Variants in GALNT18 observed in about 807,000 individuals in gnomAD.
The protein encoded by GALNT18 is GalNAc-transferase 18.
Under a neutral mutation model 69.5 loss-of-function variants are expected in GALNT18, and 44 were observed. That is an observed-to-expected ratio of 0.63 (90% CI 0.50 to 0.81). GALNT18 has a LOEUF of 0.81. Among genes scored for constraint, GALNT18 ranks in the 40% least tolerant of loss-of-function variants. The pLI is 0.00. For missense variants in GALNT18, 715 were observed against 810.0 expected (o/e 0.88, Z 1.42); for synonymous variants, 364 against 318.2 (o/e 1.14, Z -1.53).
intron 3 of GALNT18, among the ~76,000 whole-genome samples, chr11:11,428,151 T>G (rs1020617314): frequency 6.6e-6 from 1 of 152,220 alleles, no homozygotes; most frequent in African/African-American, 2.4e-5. Context: ...AGTCTTGCAC[T>G]GAGAGGCCCA....
chr11:11,436,696 G>A lies in GALNT18; in HGVS notation c.429-3909C>T, dbSNP rs563280549. On this transcript the variant is annotated intron_variant, in intron 2 of 10. Transcript: ENST00000227756. The surrounding 1 kb of genome is among the most constrained non-coding windows in gnomAD (Gnocchi z 4.5). Reference sequence around the variant, plus strand: ...GAAGCAGAATGTACATTGCTGAAGGGCAGGGGCAAAAAGAGGGAAGAAGAG... The same window carrying A: ...GAAGCAGAATGTACATTGCTGAAGGACAGGGGCAAAAAGAGGGAAGAAGAG... Among the ~76,000 whole-genome samples the A allele has an allele frequency of 7.9e-5, 12 of 152,170 alleles. No individual in the cohort carries two copies. Among genetic ancestry groups the A allele is most frequent in the Non-Finnish European group, 4.4e-5 (3 of 68,030 alleles).
chr11:11,478,099 T>G (rs1453607903), intron 1 of GALNT18, among the ~76,000 whole-genome samples: 1 of 152,102 alleles, frequency 6.6e-6, no homozygotes, highest in African/African-American at 2.4e-5. Flanking sequence ...AAAGATAATT[T>G]GAGGATATAA....
rs1188462516 is a variant in GALNT18 at position 11,396,238 on chromosome 11, G to A, written c.596-16974C>T. 6.6e-6 allele frequency among the ~76,000 whole-genome samples: 1 copy of A among 152,224 alleles called. No homozygotes were observed. Among genetic ancestry groups the A allele is most frequent in the Non-Finnish European group, 1.5e-5 (1 of 68,046 alleles). On this transcript the variant is annotated intron_variant, in intron 3 of 10. Coordinates refer to ENST00000227756, the MANE Select transcript of GALNT18 (RefSeq NM_198516.3). The surrounding 1 kb of genome is among the most constrained non-coding windows in gnomAD (Gnocchi z 5.2). ...AAAGAACTGGCACGACAGCGGCTGG[G>A]TCTGTCAGTGGTGTTCGCAAACAGT...
chr11:11,538,574 G>A lies in GALNT18; in HGVS notation c.235+82785C>T, dbSNP rs554057616. Among the ~76,000 whole-genome samples, 9 of 152,252 alleles carry A rather than the reference G, an allele frequency of 5.9e-5. No individual in the cohort carries two copies. Among genetic ancestry groups the A allele is most frequent in the Admixed American group, 4.6e-4 (7 of 15,294 alleles). On this transcript the variant is annotated intron_variant, in intron 1 of 10. Coordinates refer to ENST00000227756, the MANE Select transcript of GALNT18 (RefSeq NM_198516.3). This position sits in a 1 kb window ranked among gnomAD's most constrained non-coding sequence, Gnocchi z 5.2. ...CAACAACCCGATAGCCCTGGAGCTC[G>A]CGGCACTCCTCTCAGGGGCCTCGTC...
At chr11:11,574,167 G>A (rs1178294230) in intron 1 of GALNT18, among the ~76,000 whole-genome samples, 1 of 152,186 alleles carries the variant, frequency 6.6e-6, no homozygotes, top group Non-Finnish European at 1.5e-5. Context: ...ATCAGTACAT[G>A]AGTGATAGAG....
intron 1 of GALNT18, among the ~76,000 whole-genome samples, chr11:11,490,335 C>T (rs551927191): frequency 8.5e-5 from 13 of 152,058 alleles, no homozygotes; most frequent in African/African-American, 3.1e-4. Context: ...CCATCTTGGA[C>T]TTCCCAGCCT....
intron 6 of GALNT18, among the ~76,000 whole-genome samples, chr11:11,370,860 A>C (rs547874795): frequency 1.6e-4 from 25 of 152,212 alleles, no homozygotes; most frequent in Admixed American, 1.6e-3. Context: ...AGGCGGTCCA[A>C]CCCACTCAGA....
rs1007442820 is a variant in GALNT18 at position 11,404,090 on chromosome 11, G to A, written c.596-24826C>T. Among the ~76,000 whole-genome samples, 3 of 152,214 alleles carry A rather than the reference G, an allele frequency of 2.0e-5. No individual in the cohort carries two copies. Among genetic ancestry groups the A allele is most frequent in the Non-Finnish European group, 2.9e-5 (2 of 68,030 alleles). ...CAGGCAAATGATGAGCGAATGCCCC[G>A]CCACTTGCTGGCAGCAGGAGGAGAG... On this transcript the variant is annotated intron_variant, in intron 3 of 10. Transcript: ENST00000227756. This position sits in a 1 kb window ranked among gnomAD's most constrained non-coding sequence, Gnocchi z 4.5.
At chr11:11,301,009 C>T (rs556937692) in intron 9 of GALNT18, among the ~76,000 whole-genome samples, 7 of 152,276 alleles carry the variant, frequency 4.6e-5, no homozygotes, top group African/African-American at 1.7e-4. Flanking sequence ...AGCTTGCCCC[C>T]ACAATGAGAA....
intron 3 of GALNT18, among the ~76,000 whole-genome samples, chr11:11,395,112 G>A (rs895311461): frequency 4.6e-5 from 7 of 152,248 alleles, no homozygotes; most frequent in Admixed American, 3.9e-4. Context: ...GGATGACACA[G>A]TGCCAGGCAC....
At chr11:11,288,469 C>G (rs1296234428) in intron 10 of GALNT18, among the ~76,000 whole-genome samples, 1 of 152,162 alleles carries the variant, frequency 6.6e-6, no homozygotes, top group Non-Finnish European at 1.5e-5. Flanking sequence ...TCTCAGAACA[C>G]AGCACACCCC....
intron 1 of GALNT18, among the ~76,000 whole-genome samples, chr11:11,535,965 T>C (rs1446669987): frequency 1.3e-5 from 2 of 152,176 alleles, no homozygotes; most frequent in Non-Finnish European, 2.9e-5. Context: ...GCCTTTCCCA[T>C]GTAGAGGGTG....
chr11:11,369,638 TC>T (rs1362887481), intron 6 of GALNT18, among the ~76,000 whole-genome samples: 1 of 124,598 alleles, frequency 8.0e-6, no homozygotes, highest in African/African-American at 2.5e-5. Context: ...ACAATTTCAA[TC>T]CCTTGCCAGC....
chr11:11,493,606 T>C (rs1002606352), intron 1 of GALNT18, among the ~76,000 whole-genome samples: 2 of 152,212 alleles, frequency 1.3e-5, no homozygotes, highest in African/African-American at 4.8e-5. Context: ...TAAGTGATTG[T>C]TGATTACAAA....
chr11:11,303,059 T>C (rs575705985), intron 9 of GALNT18, among the ~76,000 whole-genome samples: 19 of 152,312 alleles, frequency 1.2e-4, no homozygotes, highest in African/African-American at 4.6e-4. Flanking sequence ...TAGCAGATAC[T>C]GTTAGTGCCT....
At chr11:11,273,428 A>C (rs1441104126) in intron 10 of GALNT18, among the ~76,000 whole-genome samples, 3 of 152,248 alleles carry the variant, frequency 2.0e-5, no homozygotes, top group Admixed American at 6.5e-5. Context: ...TATAAATGGC[A>C]AACAGGTTAT....
intron 10 of GALNT18, among the ~76,000 whole-genome samples, chr11:11,291,944 C>A (rs1180262642): frequency 6.6e-6 from 1 of 152,164 alleles, no homozygotes; most frequent in Non-Finnish European, 1.5e-5. Context: ...TTACCATCAC[C>A]CTTGCTACAG....
At chr11:11,484,045 T>C (rs1856590435) in intron 1 of GALNT18, among the ~76,000 whole-genome samples, 1 of 152,130 alleles carries the variant, frequency 6.6e-6, no homozygotes, top group South Asian at 2.1e-4. Flanking sequence ...CGGGGGACTT[T>C]CCATGCATTT....
rs1857449193 is a variant in GALNT18 at position 11,523,584 on chromosome 11, TG to T, written c.236-74649del. The stretch of plus-strand genomic sequence containing the variant: ...AATACAAAAAATTAGCCAGGCGTGT[TG>T]GTGGGCTCCTGTAGTCCCAGCTACT... On this transcript the variant is annotated intron_variant, in intron 1 of 10. Transcript: ENST00000227756. This position sits in a 1 kb window ranked among gnomAD's most constrained non-coding sequence, Gnocchi z 4.3. 6.6e-6 allele frequency among the ~76,000 whole-genome samples: 1 copy of T among 151,818 alleles called. No individual in the cohort carries two copies. Among genetic ancestry groups the T allele is most frequent in the African/African-American group, 2.4e-5 (1 of 41,300 alleles).
Sources: allele counts gnomAD v4.1 joint callset (sites outside exome capture counted in the v4.1 genomes callset), GRCh38; gene constraint gnomAD v4.1.1; non-coding constraint Gnocchi (gnomAD v3.1); transcripts MANE v1.5; gene names NCBI Gene and HGNC (gene_info 2026-07-23, HGNC 2026-07-21).